The following PDHX variants were observed in gnomAD, a reference collection of about 807,000 sequenced individuals.
The protein encoded by PDHX is pyruvate dehydrogenase protein X component, mitochondrial.
Under a neutral mutation model 55.3 loss-of-function variants are expected in PDHX, and 33 were observed. The ratio of observed to expected loss-of-function variants is 0.60; its 90% CI spans 0.45 to 0.80. The LOEUF is 0.80. PDHX is among the 30% of genes least tolerant of loss of function. PDHX has a pLI of 0.00. For missense variants in PDHX, 622 were observed against 619.9 expected (o/e 1.00, Z -0.04); for synonymous variants, 226 against 219.4 (o/e 1.03, Z -0.27).
chr11:34,939,781 G>A (rs1177336915), intron 2 of PDHX, among the ~76,000 whole-genome samples: 1 of 152,050 alleles, frequency 6.6e-6, no homozygotes, highest in Admixed American at 6.6e-5. Context: ...AAGAAAATAA[G>A]TTTTATAATG....
At chr11:34,984,849 G>C in intron 9 of PDHX, 121 bp downstream of exon 9, 1 of 921,462 alleles carries the variant, frequency 1.1e-6, no homozygotes, top group Non-Finnish European at 1.8e-6. Flanking sequence ...GAAGGGGAGA[G>C]TTATTTCATC....
intron 7 of PDHX, among the ~76,000 whole-genome samples, chr11:34,970,529 C>A (rs2133984370): frequency 6.6e-6 from 1 of 152,262 alleles, no homozygotes; most frequent in African/African-American, 2.4e-5. Flanking sequence ...CAGAAAAAAG[C>A]ATTCTGTTCT....
Position 34,969,794 on chromosome 11 carries a change from C to T in PDHX, c.817-345C>T, listed in dbSNP as rs574630930. Among the ~76,000 whole-genome samples, 14 of 151,714 alleles carry T rather than the reference C, an allele frequency of 9.2e-5. No homozygotes were observed. In the South Asian group the frequency reaches 1.3e-3, roughly 14 times the overall value. On this transcript the variant is annotated intron_variant, in intron 6 of 10. Coordinates refer to ENST00000227868, the MANE Select transcript of PDHX (RefSeq NM_003477.3). ...TGTGTGTGTGGTATGTGTGTGTGTA[C>T]GTATATATACACACACAAACACACC...
At chr11:34,974,153 ACT>A (rs1855316709) in intron 7 of PDHX, among the ~76,000 whole-genome samples, 1 of 152,166 alleles carries the variant, frequency 6.6e-6, no homozygotes, top group Admixed American at 6.5e-5. Context: ...CAAAATGGAA[ACT>A]CTGTATACTC....
chr11:34,994,058 G>A (rs1469026371), intron 10 of PDHX, among the ~76,000 whole-genome samples: 4 of 152,136 alleles, frequency 2.6e-5, no homozygotes. Flanking sequence ...GTAGAGTCAT[G>A]TGCCACTTTA....
intron 8 of PDHX, among the ~76,000 whole-genome samples, chr11:34,983,853 G>T (rs1387956314): frequency 2.0e-5 from 3 of 152,134 alleles, no homozygotes; most frequent in Non-Finnish European, 4.4e-5. Flanking sequence ...TACTGCCCAA[G>T]GTAATTTATA....
chr11:34,968,725 A>G (rs1039387717), intron 6 of PDHX, among the ~76,000 whole-genome samples: 4 of 152,188 alleles, frequency 2.6e-5, no homozygotes, highest in African/African-American at 9.7e-5. Context: ...TCTTTGATCC[A>G]TGAGTTGTTT....
intron 3 of PDHX, among the ~76,000 whole-genome samples, chr11:34,947,816 G>A (rs1191486989): frequency 6.6e-6 from 1 of 152,088 alleles, no homozygotes; most frequent in African/African-American, 2.4e-5. Flanking sequence ...TGTAATGTGC[G>A]TTATTTTTAT....
intron 1 of PDHX, among the ~76,000 whole-genome samples, chr11:34,918,961 C>T (rs1031692453): frequency 1.3e-5 from 2 of 152,192 alleles, no homozygotes; most frequent in Non-Finnish European, 2.9e-5. Flanking sequence ...TTACATTGGG[C>T]TCATCTGGAT....
intron 5 of PDHX, among the ~76,000 whole-genome samples, chr11:34,963,986 G>A (rs1855076442): frequency 6.6e-6 from 1 of 152,196 alleles, no homozygotes; most frequent in African/African-American, 2.4e-5. Flanking sequence ...GTGTGTTTTA[G>A]TGGTATTTTC....
chr11:34,928,854 T>C (rs968470342), intron 1 of PDHX, among the ~76,000 whole-genome samples: 3 of 152,214 alleles, frequency 2.0e-5, no homozygotes, highest in Non-Finnish European at 4.4e-5. Context: ...TTCTCCAGCA[T>C]TTTATAGACA....
intron 10 of PDHX, among the ~76,000 whole-genome samples, chr11:34,994,197 A>C (rs1855813575): frequency 6.6e-6 from 1 of 152,152 alleles, no homozygotes; most frequent in African/African-American, 2.4e-5. Flanking sequence ...GCTGCTACAC[A>C]CCTTAGCTGT....
intron 4 of PDHX, among the ~76,000 whole-genome samples, chr11:34,958,515 C>G (rs1297867113): frequency 6.6e-6 from 1 of 152,142 alleles, no homozygotes; most frequent in Non-Finnish European, 1.5e-5. Context: ...GTTGGCCAGG[C>G]TGGTCTCGAA....
intron 9 of PDHX, among the ~76,000 whole-genome samples, chr11:34,987,867 A>G (rs1451188414): frequency 6.6e-6 from 1 of 152,160 alleles, no homozygotes; most frequent in Non-Finnish European, 1.5e-5. Flanking sequence ...GTGTCCACGT[A>G]TAGTAGTGAG....
upstream of PDHX, chr11:34,916,609 C>T (rs751771341): frequency 1.3e-5 from 20 of 1,597,930 alleles, no homozygotes; most frequent in Non-Finnish European, 1.6e-5. Flanking sequence ...GGCCTTGATG[C>T]TGGACATCAG....
chr11:34,957,652 T>C (rs1854936185), intron 4 of PDHX, 69 bp downstream of exon 4: 1 of 1,229,526 alleles, frequency 8.1e-7, no homozygotes, highest in African/African-American at 1.5e-5. Context: ...GGAATTGTAA[T>C]CATTATCATA....
chr11:34,968,062 G>A (rs1438034615), intron 6 of PDHX, among the ~76,000 whole-genome samples: 3 of 152,016 alleles, frequency 2.0e-5, no homozygotes, highest in African/African-American at 7.3e-5. Flanking sequence ...CTGCACCTAG[G>A]CATTCAAAGA....
At chr11:34,961,466 AAGCAATGT>A (rs147448515) in intron 5 of PDHX, among the ~76,000 whole-genome samples, 2,328 of 152,298 alleles carry the variant, frequency 0.015, 56 homozygotes, top group African/African-American at 0.052. Flanking sequence ...TTATGTTTTA[AAGCAATGT>A]ACTCATTCCA....
At chr11:34,988,798 C>T (rs1400917282) in intron 9 of PDHX, among the ~76,000 whole-genome samples, 1 of 152,110 alleles carries the variant, frequency 6.6e-6, no homozygotes, top group Non-Finnish European at 1.5e-5. Flanking sequence ...TTCAGTTACC[C>T]GTGGTCAACC....
Sources: allele counts gnomAD v4.1 joint callset (sites outside exome capture counted in the v4.1 genomes callset), GRCh38; gene constraint gnomAD v4.1.1; transcripts MANE v1.5; gene names NCBI Gene and HGNC (gene_info 2026-07-23, HGNC 2026-07-21).